The following PSD2 variants were observed in gnomAD, a reference collection of about 807,000 sequenced individuals.
The protein encoded by PSD2 is pleckstrin and Sec7 domain containing 2.
In PSD2, 38 loss-of-function variants were observed where a neutral mutation model predicts 69.8. That is an observed-to-expected ratio of 0.54 (90% confidence interval 0.42 to 0.71). PSD2 has a LOEUF of 0.71. PSD2 is among the 30% of genes least tolerant of loss of function. PSD2 has a pLI of 0.00. For synonymous variants in PSD2, 412 were observed against 423.0 expected (o/e 0.97, Z 0.32); for missense variants, 943 against 1,014.5 (o/e 0.93, Z 0.96).
chr5:139,817,014 G>C (rs1760137365), intron 4 of PSD2, among the ~76,000 whole-genome samples: 1 of 152,208 alleles, frequency 6.6e-6, no homozygotes, highest in Non-Finnish European at 1.5e-5. Context: ...AACTATGGCA[G>C]TCCCCCTGTG....
chr5:139,830,557 C>CTTTCTTT (rs1561605159), intron 7 of PSD2, among the ~76,000 whole-genome samples: 27 of 133,056 alleles, frequency 2.0e-4, no homozygotes, highest in African/African-American at 7.8e-4. Context: ...TTCCTTCCTT[C>CTTTCTTT]CTTCCTTCCT....
Position 139,837,664 on chromosome 5 carries a change from C to G in PSD2, c.1705C>G (p.Leu569Val), listed in dbSNP as rs759069434. 2.2e-5 allele frequency: 35 copies of G among 1,613,694 alleles called. No individual in the cohort carries two copies. Among genetic ancestry groups the G allele is most frequent in the Non-Finnish European group, 3.0e-5 (35 of 1,179,736 alleles). ...TGACAAAGCTCTATCGGAGGGTGACCTGAAGAACGCCATTCGCGTGCATCA... is the reference window on the plus strand; with the variant it reads ...TGACAAAGCTCTATCGGAGGGTGACGTGAAGAACGCCATTCGCGTGCATCA... ...RPDKALSEGD[L>V]KNAIRVHHAL... The change falls in exon 12 of 15, where the codon CTG becomes GTG. Residue 569 changes from leucine (L) to valine (V), a missense_variant. By Grantham distance (32) the Leu-to-Val change is conservative. This residue lies in a region of PSD2 where 312 missense variants were observed against 400.7 expected (regional missense o/e 0.78). Coordinates refer to ENST00000274710, the MANE Select transcript of PSD2 (RefSeq NM_032289.4). The surrounding 1 kb of genome is among the most constrained non-coding windows in gnomAD (Gnocchi z 5.0).
intron 7 of PSD2, among the ~76,000 whole-genome samples, chr5:139,824,510 C>T (rs1046321414): frequency 2.0e-5 from 3 of 150,650 alleles, no homozygotes; most frequent in African/African-American, 7.4e-5. Context: ...CATTCTCCTG[C>T]CTCAGCCTCC....
chr5:139,816,142 T>C (rs973058311), intron 4 of PSD2, among the ~76,000 whole-genome samples: 4 of 152,218 alleles, frequency 2.6e-5, no homozygotes, highest in African/African-American at 9.6e-5. Flanking sequence ...CTTTTTTTCA[T>C]GTGCTGGAAG....
At chr5:139,807,384 G>T (rs1481399148) in intron 1 of PSD2, among the ~76,000 whole-genome samples, 1 of 147,402 alleles carries the variant, frequency 6.8e-6, no homozygotes, top group Non-Finnish European at 1.5e-5. Flanking sequence ...TCTCAGTTGA[G>T]AAAGTGACTT....
At position 139,833,704 on chromosome 5, in the gene PSD2, C is replaced by T. The variant is rs551597780; in HGVS notation, c.1272C>T (p.Asn424=). The T allele has an allele frequency of 6.2e-7, 1 of 1,612,848 alleles. No individual in the cohort carries two copies. The highest frequency in any genetic ancestry group is 2.2e-5 in the East Asian group (1 of 44,886). Reference sequence around the variant, plus strand: ...GCAGAACCATTTCTCCATTACAGAACATTGGCAAAAAGATGTCCTGTCAGC... The same window carrying T: ...GCAGAACCATTTCTCCATTACAGAATATTGGCAAAAAGATGTCCTGTCAGC... ...MLLNTDLHGH[N]IGKKMSCQQF... Residue 424 remains asparagine (N), a splice_region_variant and synonymous_variant, in exon 8 of 15, where the codon AAC becomes AAT. Transcript: ENST00000274710.
At chr5:139,766,824 C>CTTCCTTCTTTCT in the PSD2 span, among the ~76,000 whole-genome samples, 80 of 42,246 alleles carry the variant, frequency 1.9e-3, 3 homozygotes, top group African/African-American at 4.0e-3. Context: ...GGGCAAGTCC[C>CTTCCTTCTTTCT]TTCCTTCTTT....
chr5:139,774,482 G>A, the PSD2 span, among the ~76,000 whole-genome samples: 1 of 152,158 alleles, frequency 6.6e-6, no homozygotes, highest in Non-Finnish European at 1.5e-5. Flanking sequence ...CCCTGGAAAG[G>A]CTTTCTTGCT....
chr5:139,842,370 G>A lies in PSD2; in HGVS notation c.2212G>A (p.Gly738Arg), dbSNP rs1760893370. ...RIEARLATLE[G>R]DDPSLRKTHS... ...TGAGGCCCGGCTGGCCACTCTGGAA[G>A]GGGATGACCCTTCTCTCCGGAAGAC... Residue 738 changes from glycine (G) to arginine (R), a missense_variant, in exon 15 of 15, where the codon GGG becomes AGG. Physicochemically the swap from Gly to Arg is moderately radical, Grantham distance 125 (BLOSUM62 -2). Around this residue, in one of 3 missense-constraint regions of PSD2, gnomAD observed 165 missense variants for 168.8 expected, o/e 0.98. Transcript: ENST00000274710. 1 of 1,614,222 alleles carries A rather than the reference G, an allele frequency of 6.2e-7. No homozygotes were observed.
the PSD2 span, among the ~76,000 whole-genome samples, chr5:139,756,854 T>G: frequency 6.6e-6 from 1 of 152,180 alleles, no homozygotes; most frequent in Non-Finnish European, 1.5e-5. Flanking sequence ...TCCCGCACTC[T>G]TCCACAAGGG....
At chr5:139,836,607 G>C (rs1760724773) in intron 9 of PSD2, among the ~76,000 whole-genome samples, 1 of 152,178 alleles carries the variant, frequency 6.6e-6, no homozygotes, top group South Asian at 2.1e-4. Flanking sequence ...AGAGGTCAGA[G>C]GTCAGAGGTC....
At chr5:139,804,433 A>T (rs1312768483) in intron 1 of PSD2, among the ~76,000 whole-genome samples, 1 of 152,190 alleles carries the variant, frequency 6.6e-6, no homozygotes, top group East Asian at 1.9e-4. Flanking sequence ...GCCTTTCCAG[A>T]TATACTCTAA....
chr5:139,835,854 C>G, intron 9 of PSD2, 88 bp downstream of exon 9: 3 of 1,272,874 alleles, frequency 2.4e-6, no homozygotes, highest in Non-Finnish European at 3.4e-6. Context: ...TCTGACCACT[C>G]TCCATGGTGC....
chr5:139,763,308 C>T, the PSD2 span, among the ~76,000 whole-genome samples: 1 of 152,154 alleles, frequency 6.6e-6, no homozygotes, highest in Non-Finnish European at 1.5e-5. Context: ...CCCAGTTGTT[C>T]TTCACGTCAC....
In PSD2 at chr5:139,839,875, C is replaced by T. The variant is rs1035136246; in HGVS notation, c.1969-152C>T. Reference sequence around the variant, plus strand: ...GGAGGTGGGAGGAAGAGCATGCCCTCAGGTCCAGAGTCTGGCTCTGTCCCC... The same window carrying T: ...GGAGGTGGGAGGAAGAGCATGCCCTTAGGTCCAGAGTCTGGCTCTGTCCCC... On this transcript the variant is annotated intron_variant, in intron 13 of 14. Transcript: ENST00000274710. The surrounding 1 kb of genome is among the most constrained non-coding windows in gnomAD (Gnocchi z 5.1). The T allele has an allele frequency of 2.4e-5, 18 of 755,106 alleles. No individual in the cohort carries two copies. Among genetic ancestry groups the T allele is most frequent in the Non-Finnish European group, 3.5e-5 (16 of 463,490 alleles). 46.8% of individuals were successfully genotyped at this position (755,106 alleles called of 1,614,324 possible). A position where few individuals can be genotyped will look rare whatever the true frequency, so the allele number is the denominator to read the frequency against.
In PSD2 at chr5:139,833,785, G is replaced by A. The variant is rs768151121; in HGVS notation, c.1353G>A (p.Leu451=). The A allele has an allele frequency of 6.2e-7, 1 of 1,612,530 alleles. No individual in the cohort carries two copies. Among genetic ancestry groups the A allele is most frequent in the African/African-American group, 1.3e-5 (1 of 74,994 alleles). The change falls in exon 8 of 15, where the codon CTG becomes CTA. Residue 451 remains leucine (L), a synonymous_variant. Transcript: ENST00000274710. ...ATGGCCAAGACTTTGCCAAAGACCT[G>A]CTGAAGGTACTGTCTGCTGAGTGTC... ...LNDGQDFAKD[L]LKTLYNSIKN... is the part of the protein sequence containing the mutation.
chr5:139,820,896 C>T (rs1043861180), intron 5 of PSD2, among the ~76,000 whole-genome samples: 1 of 150,770 alleles, frequency 6.6e-6, no homozygotes, highest in Non-Finnish European at 1.5e-5. Flanking sequence ...ATATGAGGAG[C>T]CTTGGTGCTA....
chr5:139,772,295 C>T, the PSD2 span, among the ~76,000 whole-genome samples: 1 of 152,170 alleles, frequency 6.6e-6, no homozygotes, highest in South Asian at 2.1e-4. Context: ...CTGTTTCCTT[C>T]TTTATATTGT....
At chr5:139,835,847 G>T in intron 9 of PSD2, 81 bp downstream of exon 9, 1 of 1,358,128 alleles carries the variant, frequency 7.4e-7, no homozygotes, top group South Asian at 1.2e-5. Flanking sequence ...CCGACATTCT[G>T]ACCACTCTCC....
Sources: gnomAD v4.1 joint callset for allele counts (sites outside exome capture counted in the v4.1 genomes callset) on GRCh38, gnomAD v4.1.1 for gene constraint, gnomAD v4.1.1 regional missense constraint, Gnocchi (gnomAD v3.1) non-coding constraint, MANE v1.5 for transcripts, NCBI Gene and HGNC (gene_info 2026-07-23, HGNC 2026-07-21) for gene names.